The following CHRDL1 variants were observed in gnomAD, a reference collection of about 807,000 sequenced individuals.
The protein encoded by CHRDL1 is chordin-like protein 1.
A neutral mutation model predicts 40.9 loss-of-function variants in CHRDL1; 19 were observed. That is an observed-to-expected ratio of 0.46 (90% CI 0.32 to 0.68). The LOEUF (loss-of-function observed/expected upper bound fraction) is 0.68. Ranked by LOEUF, CHRDL1 falls within the 30% of genes least tolerant of loss-of-function variation. CHRDL1 has a pLI of 0.03. For missense variants in CHRDL1, 329 were observed against 352.1 expected (o/e 0.93, Z 0.53); for synonymous variants, 136 against 123.4 (o/e 1.10, Z -0.68).
chrX:110,699,869 C>T (rs752549806), intron 7 of CHRDL1, among the ~76,000 whole-genome samples: 33 of 112,338 alleles, frequency 2.9e-4, no homozygotes, highest in Non-Finnish European at 6.0e-4. Flanking sequence ...AAAACAACAA[C>T]GCAGTGAATG....
At chrX:110,702,179 T>G (rs1226866237) in intron 6 of CHRDL1, among the ~76,000 whole-genome samples, 4 of 111,198 alleles carry the variant, frequency 3.6e-5, no homozygotes, top group Non-Finnish European at 7.5e-5. Context: ...TCTCAGCTAC[T>G]CTTCAATGGG....
chrX:110,712,291 G>A (rs1330394498), intron 6 of CHRDL1, among the ~76,000 whole-genome samples: 1 of 111,689 alleles, frequency 9.0e-6, no homozygotes, highest in Non-Finnish European at 1.9e-5. Context: ...AGATGAGTAG[G>A]ATGCGAATAG....
chrX:110,776,573 A>G (rs753587486), intron 2 of CHRDL1, among the ~76,000 whole-genome samples: 2 of 111,351 alleles, frequency 1.8e-5, no homozygotes, highest in Admixed American at 9.5e-5. Flanking sequence ...CTTTGCTTGC[A>G]GTTGCTGAAG....
Position 110,688,653 on chromosome X carries a change from T to C in CHRDL1, c.929A>G (p.Lys310Arg). 1 of 1,210,567 alleles carries C rather than the reference T, an allele frequency of 8.3e-7. No individual in the cohort carries two copies. Among genetic ancestry groups the C allele is most frequent in the Non-Finnish European group, 1.1e-6 (1 of 894,931 alleles). The change falls in exon 9 of 12, where the codon AAG becomes AGG. Residue 310 changes from lysine to arginine, a missense_variant. By Grantham distance (26) the Lys-to-Arg change is conservative (BLOSUM62 2). Coordinates refer to ENST00000372042, the MANE Select transcript of CHRDL1 (RefSeq NM_001143981.2). The part of the protein sequence containing the change: ...KIHCPNRYPC[K>R]YPQKIDGKCC... Reference sequence around the variant, plus strand: ...TTTTCCGTCTATTTTTTGAGGATACTTGCAGGGGTATCGATTGGGGCAGTG... The same window carrying C: ...TTTTCCGTCTATTTTTTGAGGATACCTGCAGGGGTATCGATTGGGGCAGTG...
At chrX:110,724,267 T>C (rs1444755373) in intron 4 of CHRDL1, among the ~76,000 whole-genome samples, 1 of 112,273 alleles carries the variant, frequency 8.9e-6, no homozygotes. Context: ...CCGGGCCTTC[T>C]ACCAAGGAAT....
At chrX:110,730,928 C>T (rs2071148137) in intron 4 of CHRDL1, among the ~76,000 whole-genome samples, 1 of 112,078 alleles carries the variant, frequency 8.9e-6, no homozygotes, top group Admixed American at 9.5e-5. Context: ...CCCCTTCATA[C>T]ATCCTTTGGC....
At position 110,694,318 on chromosome X, in the gene CHRDL1, T is replaced by C. The variant is rs746499873; in HGVS notation, c.623A>G (p.His208Arg). ...TGGTGGAGGATCATAGTGAGAGCGG[T>C]GGTAAGAATGTCTCTGTAAAATAAC... Reference protein sequence around the residue: ...PANREARHSYHRSHYDPPPSR... With the variant: ...PANREARHSYRRSHYDPPPSR... Residue 208 changes from histidine to arginine, a missense_variant, in exon 8 of 12, where the codon CAC becomes CGC. His to Arg is a conservative substitution (Grantham distance 29, BLOSUM62 0). Transcript: ENST00000372042. The C allele has an allele frequency of 8.3e-7, 1 of 1,203,433 alleles. No homozygotes were observed. Among genetic ancestry groups the C allele is most frequent in the East Asian group, 3.0e-5 (1 of 33,722 alleles).
intron 2 of CHRDL1, among the ~76,000 whole-genome samples, chrX:110,766,310 C>T (rs767489682): frequency 9.1e-6 from 1 of 109,872 alleles, no homozygotes; most frequent in Admixed American, 9.8e-5. Flanking sequence ...AAGAACAAAC[C>T]AAACCCAAAC....
At chrX:110,729,297 T>G (rs767539848) in intron 4 of CHRDL1, among the ~76,000 whole-genome samples, 4 of 111,196 alleles carry the variant, frequency 3.6e-5, no homozygotes, top group African/African-American at 1.3e-4. Flanking sequence ...GAATCAATGA[T>G]GCCTACCTTT....
In CHRDL1 at chrX:110,689,987, ATATATATCTATATATCTATATATATC is replaced by A. The variant is rs1301573212; in HGVS notation, c.779-1210_779-1185del. 2.9e-3 allele frequency among the ~76,000 whole-genome samples: 132 copies of A among 45,989 alleles called. 25 individuals carry two copies. Among genetic ancestry groups the A allele is most frequent in the Non-Finnish European group, 4.1e-3 (120 of 29,590 alleles). 39.9% of individuals were successfully genotyped at this position (45,989 alleles called of 115,157 possible). On this transcript the variant is annotated intron_variant, in intron 8 of 11. Coordinates refer to ENST00000372042, the MANE Select transcript of CHRDL1 (RefSeq NM_001143981.2). ...TATATCTATATATATCTATATATCT[ATATATATCTATATATCTATATATATC>A]TATATATCTGTATATCTATATATAT...
At chrX:110,754,482 G>C (rs1343922059) in intron 4 of CHRDL1, among the ~76,000 whole-genome samples, 1 of 112,205 alleles carries the variant, frequency 8.9e-6, no homozygotes, top group Non-Finnish European at 1.9e-5. Flanking sequence ...AGAAATGCCT[G>C]TGTTTGCTAG....
At chrX:110,721,081 G>A (rs144738259) in intron 5 of CHRDL1, among the ~76,000 whole-genome samples, 49 of 111,725 alleles carry the variant, frequency 4.4e-4, no homozygotes, top group Admixed American at 8.5e-4. Context: ...TCCTTCAGAT[G>A]GAGGCTTTGG....
chrX:110,676,749 A>T (rs2069785359), intron 11 of CHRDL1, among the ~76,000 whole-genome samples: 1 of 111,460 alleles, frequency 9.0e-6, no homozygotes, highest in African/African-American at 3.3e-5. Flanking sequence ...GGCACTTTGG[A>T]AAACGGCACC....
At chrX:110,752,783 C>A (rs997339174) in intron 4 of CHRDL1, among the ~76,000 whole-genome samples, 1 of 110,937 alleles carries the variant, frequency 9.0e-6, no homozygotes, top group South Asian at 3.9e-4. Context: ...TGCTAATTGG[C>A]TGTTACTGTT....
rs752828717 is a variant in CHRDL1, at chrX:110,700,677, G to A, written c.586C>T (p.Arg196Trp). 3.4e-5 allele frequency: 40 copies of A among 1,187,948 alleles called. No individual in the cohort carries two copies. In the South Asian group the frequency reaches 4.8e-4, roughly 14 times the overall value. The stretch of plus-strand genomic sequence containing the variant: ...ACTGCTTCTCTGTTGGCAGGTTGCC[G>A]GAAGATATCACCATCAGAATGTTCC... ...SWEHSDGDIF[R>W]QPANREARHS... Residue 196 changes from arginine to tryptophan, a missense_variant, in exon 7 of 12, where the codon CGG becomes TGG. Arg to Trp is a moderately radical substitution (Grantham distance 101, BLOSUM62 -3). Transcript: ENST00000372042.
At chrX:110,763,558 T>TATATATACAC (rs1203090246) in intron 2 of CHRDL1, among the ~76,000 whole-genome samples, 2 of 105,578 alleles carry the variant, frequency 1.9e-5, no homozygotes, top group African/African-American at 7.1e-5. Flanking sequence ...TATATATATA[T>TATATATACAC]ACACACACAT....
chrX:110,702,942 C>CAATAAA (rs2070546904), intron 6 of CHRDL1, among the ~76,000 whole-genome samples: 2 of 112,079 alleles, frequency 1.8e-5, no homozygotes, highest in Admixed American at 1.9e-4. Flanking sequence ...TCAATAAATA[C>CAATAAA]TAAAACACTG....
intron 2 of CHRDL1, among the ~76,000 whole-genome samples, chrX:110,772,930 C>T (rs1362313383): frequency 1.8e-5 from 2 of 112,191 alleles, no homozygotes; most frequent in South Asian, 3.7e-4. Flanking sequence ...GACTTTAAAA[C>T]CTAATTTTTT....
chrX:110,707,876 A>C (rs755265404), intron 6 of CHRDL1, among the ~76,000 whole-genome samples: 1 of 111,993 alleles, frequency 8.9e-6, no homozygotes, highest in South Asian at 3.7e-4. Flanking sequence ...AATGGGAGAA[A>C]ATTTGTGCAA....
Sources: allele counts gnomAD v4.1 joint callset (sites outside exome capture counted in the v4.1 genomes callset), GRCh38; gene constraint gnomAD v4.1.1; transcripts MANE v1.5; gene names NCBI Gene and HGNC (gene_info 2026-07-23, HGNC 2026-07-21).